ZNF525: variants seen among roughly 807,000 people sequenced by gnomAD.
The protein encoded by ZNF525 is zinc finger protein 525.
ZNF525 carries 33 observed loss-of-function variants against 37.6 expected under a neutral mutation model. The ratio of observed to expected loss-of-function variants is 0.88; its 90% CI spans 0.67 to 1.17. ZNF525 has a LOEUF of 1.17. ZNF525 is among the 50% of genes most tolerant of loss of function. ZNF525 has a pLI of 0.00. For synonymous variants in ZNF525, 170 were observed against 182.3 expected (o/e 0.93, Z 0.54); for missense variants, 449 against 543.1 (o/e 0.83, Z 1.72).
chr19:53,376,341 A>G (rs961358469), intron 3 of ZNF525: 3 of 702,766 alleles, frequency 4.3e-6, no homozygotes, highest in Non-Finnish European at 7.8e-6. Flanking sequence ...TGATTGAGTC[A>G]GTCTTTGCCT....
In ZNF525 at chr19:53,382,969, T is replaced by G. The variant is rs2085578066; in HGVS notation, c.*950T>G. The G allele has an allele frequency of 6.6e-7, 1 of 1,519,470 alleles. No individual in the cohort carries two copies. The highest frequency in any genetic ancestry group is 9.1e-7 in the Non-Finnish European group (1 of 1,101,060). The allele number at this position is 1,519,470 out of a possible 1,614,324, so 94.1% of individuals were successfully genotyped here. A position where few individuals can be genotyped will look rare whatever the true frequency, so the allele number is the denominator to read the frequency against. On this transcript the variant is annotated 3_prime_UTR_variant, in exon 4 of 4. Coordinates refer to ENST00000474037, the MANE Select transcript of ZNF525 (RefSeq NM_001348156.2). Reference sequence around the variant, plus strand: ...TTGTAATTCATAAGGCAATTCATACTGGAGAGAAACCTTACAAGTGTAATG... The same window carrying G: ...TTGTAATTCATAAGGCAATTCATACGGGAGAGAAACCTTACAAGTGTAATG...
chr19:53,372,362 G>A, intron 2 of ZNF525, 66 bp downstream of exon 2: 1 of 748,580 alleles, frequency 1.3e-6, no homozygotes, highest in Non-Finnish European at 2.4e-6. Context: ...CTTGGAGTTG[G>A]GAATCTTCTA....
intron 1 of ZNF525, among the ~76,000 whole-genome samples, chr19:53,370,075 G>T (rs1228497776): frequency 2.0e-5 from 3 of 151,504 alleles, no homozygotes; most frequent in East Asian, 4.0e-4. Flanking sequence ...AATTTTCAAG[G>T]ATAGGGGTGA....
intron 1 of ZNF525, among the ~76,000 whole-genome samples, chr19:53,366,362 A>G (rs1177041772): frequency 1.4e-5 from 2 of 143,134 alleles, no homozygotes; most frequent in Non-Finnish European, 3.1e-5. Context: ...CCTGGAAAAT[A>G]AGCTCCTCCG....
Position 53,385,290 on chromosome 19 carries a change from G to A in ZNF525, c.*3271G>A. The A allele has an allele frequency of 3.3e-6, 1 of 301,004 alleles. No individual in the cohort carries two copies. Among genetic ancestry groups the A allele is most frequent in the Non-Finnish European group, 6.1e-6 (1 of 163,034 alleles). The allele number at this position is 301,004 out of a possible 1,614,324, so 18.6% of individuals were successfully genotyped here. ...TAGTCTGTTATAACATGTCTGAACAGGCTCTAGTTTGATGCCCTCAAAAGG... is the reference window on the plus strand; with the variant it reads ...TAGTCTGTTATAACATGTCTGAACAAGCTCTAGTTTGATGCCCTCAAAAGG... On this transcript the variant is annotated 3_prime_UTR_variant, in exon 4 of 4. Transcript: ENST00000474037.
intron 3 of ZNF525, among the ~76,000 whole-genome samples, chr19:53,378,596 T>A (rs952462703): frequency 6.6e-6 from 1 of 152,166 alleles, no homozygotes; most frequent in Non-Finnish European, 1.5e-5. Flanking sequence ...TTATTTCTCA[T>A]GAGTTTGGAA....
Position 53,383,775 on chromosome 19 carries a change from A to G in ZNF525, c.*1756A>G. 1.9e-6 allele frequency: 1 copy of G among 531,020 alleles called. No homozygotes were observed. The highest frequency in any genetic ancestry group is 3.5e-6 in the Non-Finnish European group (1 of 283,564). The allele number at this position is 531,020 out of a possible 1,614,324, so 32.9% of individuals were successfully genotyped here. On this transcript the variant is annotated 3_prime_UTR_variant, in exon 4 of 4. Transcript: ENST00000474037. ...GGCAAATTTTTCAGACATCGTTCAT[A>G]CATTGCCGTTCATTGGCGAACTCAT...
chr19:53,383,326 A>T lies in ZNF525; in HGVS notation c.*1307A>T, dbSNP rs1229325714. 3.1e-5 allele frequency: 42 copies of T among 1,338,334 alleles called. No individual in the cohort carries two copies. The East Asian group carries it at 1.4e-3, about 44-fold the overall frequency. 82.9% of individuals were successfully genotyped at this position (1,338,334 alleles called of 1,614,324 possible). A position where few individuals can be genotyped will look rare whatever the true frequency, so the allele number is the denominator to read the frequency against. ...ATACTGGAGAGAAACAAGCGTAATG[A>T]ATGTGGCGAGGTTTTCAATCAACAA... On this transcript the variant is annotated 3_prime_UTR_variant, in exon 4 of 4. Coordinates refer to ENST00000474037, the MANE Select transcript of ZNF525 (RefSeq NM_001348156.2).
chr19:53,373,507 ATCT>A (rs1229747956), intron 2 of ZNF525, among the ~76,000 whole-genome samples: 8 of 152,170 alleles, frequency 5.3e-5, no homozygotes, highest in African/African-American at 1.4e-4. Context: ...GCCATAAAGC[ATCT>A]TCTTTTCTCT....
intron 1 of ZNF525, among the ~76,000 whole-genome samples, chr19:53,366,567 G>T (rs963666571): frequency 1.3e-5 from 2 of 151,820 alleles, no homozygotes; most frequent in Non-Finnish European, 2.9e-5. Flanking sequence ...AGATAAGCAG[G>T]AGGAGAAAAG....
In ZNF525 at chr19:53,381,650, T is replaced by G. The variant is rs765390708; in HGVS notation, c.1071T>G (p.Cys357Trp). Reference sequence around the variant, plus strand: ...ATACTGGAAAGAAACCTTACGAATGTGAAGAATGTGACAAAGCTTTCAGTT... The same window carrying G: ...ATACTGGAAAGAAACCTTACGAATGGGAAGAATGTGACAAAGCTTTCAGTT... ...SIHTGKKPYE[C>W]EECDKAFSFK... The change falls in exon 4 of 4, where the codon TGT becomes TGG. Residue 357 changes from cysteine to tryptophan, a missense_variant. Around this residue, in one of 2 missense-constraint regions of ZNF525, gnomAD observed 178 missense variants for 161.5 expected, o/e 1.10. Transcript: ENST00000474037. The G allele has an allele frequency of 8.9e-7, 1 of 1,125,896 alleles. No homozygotes were observed. The highest frequency in any genetic ancestry group is 1.4e-6 in the Non-Finnish European group (1 of 734,098). The allele number at this position is 1,125,896 out of a possible 1,614,324, so 69.7% of individuals were successfully genotyped here.
At chr19:53,376,067 C>G (rs572811891) in intron 3 of ZNF525, 171 bp downstream of exon 3, 1 of 1,426,452 alleles carries the variant, frequency 7.0e-7, no homozygotes, top group Non-Finnish European at 9.5e-7. Flanking sequence ...CCCACCTCAG[C>G]CTCCCCTCGT....
rs2085608274 is a variant in ZNF525, at chr19:53,386,474, A to G, written c.*4455A>G. The G allele has an allele frequency of 3.0e-6, 2 of 666,660 alleles. No homozygotes were observed. Among genetic ancestry groups the G allele is most frequent in the African/African-American group, 3.7e-5 (2 of 54,652 alleles). 41.3% of individuals were successfully genotyped at this position (666,660 alleles called of 1,614,324 possible). A position where few individuals can be genotyped will look rare whatever the true frequency, so the allele number is the denominator to read the frequency against. On this transcript the variant is annotated 3_prime_UTR_variant, in exon 4 of 4. Coordinates refer to ENST00000474037, the MANE Select transcript of ZNF525 (RefSeq NM_001348156.2). Reference sequence around the variant, plus strand: ...ATATCAAGCTGAAAATGTCACCACTATCTGGACAGTTGGACATGTTTTATT... The same window carrying G: ...ATATCAAGCTGAAAATGTCACCACTGTCTGGACAGTTGGACATGTTTTATT...
At position 53,369,764 on chromosome 19, in the gene ZNF525, A is replaced by G. The variant is rs1333059188; in HGVS notation, c.-67-2451A>G. On this transcript the variant is annotated intron_variant, in intron 1 of 3. Coordinates refer to ENST00000474037, the MANE Select transcript of ZNF525 (RefSeq NM_001348156.2). ...TTTTTTGAGACGGAGTCTCGCTGTCACCCAGGCTGGAGTGCAGTGGCGCGA... is the reference window on the plus strand; with the variant it reads ...TTTTTTGAGACGGAGTCTCGCTGTCGCCCAGGCTGGAGTGCAGTGGCGCGA... 1.1e-3 allele frequency among the ~76,000 whole-genome samples: 112 copies of G among 99,284 alleles called. 2 individuals carry two copies. The highest frequency in any genetic ancestry group is 4.9e-3 in the Admixed American group (41 of 8,290). The allele number at this position is 99,284 out of a possible 152,430, so 65.1% of individuals were successfully genotyped here. A position where few individuals can be genotyped will look rare whatever the true frequency, so the allele number is the denominator to read the frequency against.
At chr19:53,365,960 C>G (rs1294199142) in intron 1 of ZNF525, among the ~76,000 whole-genome samples, 1 of 152,170 alleles carries the variant, frequency 6.6e-6, no homozygotes, top group East Asian at 1.9e-4. Flanking sequence ...CGTTCCGGAT[C>G]TTTCTGCTAT....
intron 3 of ZNF525, among the ~76,000 whole-genome samples, chr19:53,379,118 C>T (rs1372636435): frequency 1.4e-5 from 2 of 147,782 alleles, no homozygotes; most frequent in Admixed American, 1.4e-4. Context: ...TTAGTCAATT[C>T]TTTTTTTTTT....
intron 3 of ZNF525, among the ~76,000 whole-genome samples, chr19:53,380,159 C>T (rs1408330486): frequency 1.3e-5 from 2 of 151,022 alleles, no homozygotes; most frequent in African/African-American, 2.4e-5. Flanking sequence ...GGTGCGATCT[C>T]GGCTCACTGC....
At chr19:53,372,441 C>G in intron 2 of ZNF525, 145 bp downstream of exon 2, 1 of 755,886 alleles carries the variant, frequency 1.3e-6, no homozygotes, top group South Asian at 1.4e-5. Context: ...CCTCTCATCT[C>G]ACTTAGATTT....
chr19:53,368,213 G>A (rs2085461740), intron 1 of ZNF525, among the ~76,000 whole-genome samples: 1 of 152,154 alleles, frequency 6.6e-6, no homozygotes, highest in African/African-American at 2.4e-5. Flanking sequence ...AGAGACCAGA[G>A]GGTGCTTGCC....
Sources: gnomAD v4.1 joint callset for allele counts (sites outside exome capture counted in the v4.1 genomes callset) on GRCh38, gnomAD v4.1.1 for gene constraint, gnomAD v4.1.1 regional missense constraint, MANE v1.5 for transcripts, NCBI Gene and HGNC (gene_info 2026-07-23, HGNC 2026-07-21) for gene names.